The following LARS2 variants were observed in gnomAD, a reference collection of about 807,000 sequenced individuals.
LARS2 encodes the protein leucine--tRNA ligase, mitochondrial.
In LARS2, 81 loss-of-function variants were observed where a neutral mutation model predicts 116.6. The observed-to-expected ratio is 0.69, with a 90% CI of 0.58 to 0.84. The LOEUF is 0.84. Ranked by LOEUF, LARS2 falls within the 40% of genes least tolerant of loss-of-function variation. The probability of loss-of-function intolerance (pLI) is 0.00; values close to 1 mark genes in which losing one functional copy is unlikely to be tolerated. For synonymous variants in LARS2, 396 were observed against 407.2 expected (o/e 0.97, Z 0.33); for missense variants, 968 against 1,114.5 (o/e 0.87, Z 1.87).
intron 7 of LARS2, among the ~76,000 whole-genome samples, chr3:45,457,508 A>G (rs909481260): frequency 1.3e-5 from 2 of 152,102 alleles, no homozygotes; most frequent in Admixed American, 1.3e-4. Flanking sequence ...GTGAAATCTC[A>G]TCTCTACTAA....
intron 7 of LARS2, among the ~76,000 whole-genome samples, chr3:45,457,108 G>A (rs1699226078): frequency 6.6e-6 from 1 of 152,244 alleles, no homozygotes; most frequent in South Asian, 2.1e-4. Context: ...CAACGTCAGG[G>A]GGCAGTTAAT....
chr3:45,514,713 G>A (rs1343485911), intron 16 of LARS2, among the ~76,000 whole-genome samples: 2 of 152,182 alleles, frequency 1.3e-5, no homozygotes, highest in South Asian at 2.1e-4. Flanking sequence ...TCTGCCAAAC[G>A]AGGGTGACTT....
intron 20 of LARS2, among the ~76,000 whole-genome samples, chr3:45,539,447 A>G (rs1338050483): frequency 6.6e-6 from 1 of 152,160 alleles, no homozygotes; most frequent in Non-Finnish European, 1.5e-5. Flanking sequence ...CCTGGCCAAC[A>G]TGGTAAAACC....
At chr3:45,539,570 G>T (rs1172046107) in intron 20 of LARS2, among the ~76,000 whole-genome samples, 2 of 152,182 alleles carry the variant, frequency 1.3e-5, no homozygotes, top group Admixed American at 6.5e-5. Context: ...GGCAGAGGTT[G>T]CAGTGAGCCA....
chr3:45,400,901 C>G (rs533237073), intron 4 of LARS2, among the ~76,000 whole-genome samples: 3 of 152,042 alleles, frequency 2.0e-5, no homozygotes, highest in Non-Finnish European at 4.4e-5. Flanking sequence ...GCAACCTCCC[C>G]CTCCCGGGTT....
chr3:45,484,602 A>AC (rs1699761414), intron 10 of LARS2, among the ~76,000 whole-genome samples: 1 of 46,222 alleles, frequency 2.2e-5, no homozygotes, highest in Non-Finnish European at 4.2e-5. Context: ...CCCTGTCTCT[A>AC]CAAAAAAAAA....
intron 6 of LARS2, among the ~76,000 whole-genome samples, chr3:45,446,110 T>C (rs935105575): frequency 5.9e-5 from 9 of 152,200 alleles, no homozygotes; most frequent in Non-Finnish European, 1.2e-4. Flanking sequence ...ACGGAGTCAT[T>C]TGAAACATTC....
chr3:45,448,791 C>T (rs576507357), intron 7 of LARS2, among the ~76,000 whole-genome samples: 63 of 152,342 alleles, frequency 4.1e-4, no homozygotes, highest in Middle Eastern at 3.4e-3. Flanking sequence ...TGGTTTTCCC[C>T]CCTGGGCAGG....
chr3:45,522,637 A>G (rs1308068107), intron 19 of LARS2, among the ~76,000 whole-genome samples: 1 of 152,152 alleles, frequency 6.6e-6, no homozygotes, highest in African/African-American at 2.4e-5. Context: ...GGCACTCAGG[A>G]GGCTGAGGCA....
rs567528692 is a variant in LARS2, at chr3:45,488,705, A to G, written c.1132A>G (p.Ser378Gly). 2 of 1,604,316 alleles carry G rather than the reference A, an allele frequency of 1.2e-6. No individual in the cohort carries two copies. The highest frequency in any genetic ancestry group is 1.1e-5 in the South Asian group (1 of 90,912). The change falls in exon 12 of 22, where the codon AGT becomes GGT. Residue 378 changes from serine (S) to glycine (G), a missense_variant. By Grantham distance (56) the Ser-to-Gly change is moderately conservative. Transcript: ENST00000645846. ...TCTTCTCCTCTGAATAGGAATTCCC[A>G]GTACTAGCTCAGAGGACACCATCTT... ...GSLDSKIGIP[S>G]TSSEDTILAQ... is the part of the protein sequence containing the mutation.
intron 6 of LARS2, among the ~76,000 whole-genome samples, chr3:45,430,150 T>C (rs913911674): frequency 1.3e-5 from 2 of 150,702 alleles, no homozygotes; most frequent in Non-Finnish European, 3.0e-5. Context: ...TTTTTTTGTA[T>C]TTTTAGTAGA....
chr3:45,513,943 C>T (rs529669932), intron 16 of LARS2, among the ~76,000 whole-genome samples: 103 of 152,300 alleles, frequency 6.8e-4, no homozygotes, highest in Non-Finnish European at 1.2e-3. Context: ...TGGTAGCTCA[C>T]GCCTGTAATC....
chr3:45,486,875 A>G lies in LARS2; in HGVS notation c.1123+1079A>G, dbSNP rs557681488. 1.4e-4 allele frequency among the ~76,000 whole-genome samples: 22 copies of G among 152,288 alleles called. No homozygotes were observed. In the South Asian group the frequency reaches 4.6e-3, roughly 32 times the overall value. ...TGTTTGTTTGATATTTTGAATCATT[A>G]CTGACACAATATTGAGAGTTTTGAA... On this transcript the variant is annotated intron_variant, in intron 11 of 21. Coordinates refer to ENST00000645846, the MANE Select transcript of LARS2 (RefSeq NM_015340.4).
chr3:45,494,648 G>T (rs1699977935), intron 13 of LARS2, among the ~76,000 whole-genome samples: 1 of 152,206 alleles, frequency 6.6e-6, no homozygotes, highest in Non-Finnish European at 1.5e-5. Context: ...AGTCTCCAAG[G>T]CAGCTAATCC....
At chr3:45,482,565 T>C (rs1462328638) in intron 10 of LARS2, among the ~76,000 whole-genome samples, 1 of 152,236 alleles carries the variant, frequency 6.6e-6, no homozygotes, top group African/African-American at 2.4e-5. Flanking sequence ...TATAAAATGA[T>C]AATACTTCAA....
At chr3:45,501,035 T>C (rs1700109412) in intron 15 of LARS2, among the ~76,000 whole-genome samples, 1 of 151,606 alleles carries the variant, frequency 6.6e-6, no homozygotes, top group African/African-American at 2.4e-5. Context: ...TCTTTTCCTG[T>C]TGGCCTATTG....
At chr3:45,441,021 C>T (rs1169731392) in intron 6 of LARS2, among the ~76,000 whole-genome samples, 1 of 121,012 alleles carries the variant, frequency 8.3e-6, no homozygotes, top group African/African-American at 2.7e-5. Flanking sequence ...CCATCACACA[C>T]TCTTTTTTTT....
intron 20 of LARS2, among the ~76,000 whole-genome samples, chr3:45,527,904 G>T (rs1390364413): frequency 6.6e-6 from 1 of 152,194 alleles, no homozygotes; most frequent in African/African-American, 2.4e-5. Flanking sequence ...TGCACAACTG[G>T]TGAATTTCTT....
At chr3:45,490,800 C>T (rs1699902399) in intron 12 of LARS2, among the ~76,000 whole-genome samples, 1 of 152,214 alleles carries the variant, frequency 6.6e-6, no homozygotes, top group Non-Finnish European at 1.5e-5. Context: ...TACCAAGCCA[C>T]ACTGGCTCAA....
Sources: allele counts gnomAD v4.1 joint callset (sites outside exome capture counted in the v4.1 genomes callset), GRCh38; gene constraint gnomAD v4.1.1; transcripts MANE v1.5; gene names NCBI Gene and HGNC (gene_info 2026-07-23, HGNC 2026-07-21).